The following NR1H4 variants were observed in gnomAD, a reference collection of about 807,000 sequenced individuals.
The protein encoded by NR1H4 is nuclear receptor subfamily 1 group H member 4, also known as bile acid receptor.
Under a neutral mutation model 58.5 loss-of-function variants are expected in NR1H4, and 23 were observed. The observed-to-expected ratio is 0.39, with a 90% CI of 0.28 to 0.56. The LOEUF (loss-of-function observed/expected upper bound fraction) is 0.56, where lower values mean the gene tolerates loss of function less well. Among genes scored for constraint, NR1H4 ranks in the 20% least tolerant of loss-of-function variants. NR1H4 has a pLI of 0.58. For synonymous variants in NR1H4, 214 were observed against 198.0 expected (o/e 1.08, Z -0.68); for missense variants, 487 against 576.9 (o/e 0.84, Z 1.60).
intron 1 of NR1H4, among the ~76,000 whole-genome samples, chr12:100,479,072 G>A (rs1593031301): frequency 6.6e-6 from 1 of 151,576 alleles, no homozygotes; most frequent in East Asian, 1.9e-4. Context: ...TTCTCTCTTG[G>A]GTTGTTTATC....
intron 8 of NR1H4, 47 bp downstream of exon 8, chr12:100,537,094 T>C (rs1213544670): frequency 8.8e-7 from 1 of 1,138,108 alleles, no homozygotes; most frequent in Non-Finnish European, 1.3e-6. Flanking sequence ...AGTTTAAATA[T>C]GTGCCCACAG....
chr12:100,530,783 A>C (rs1016999449), intron 4 of NR1H4, among the ~76,000 whole-genome samples: 2 of 152,166 alleles, frequency 1.3e-5, no homozygotes, highest in African/African-American at 4.8e-5. Context: ...GTGTCCCCTC[A>C]TGCCCCCAAA....
chr12:100,513,806 A>G (rs1336194226), intron 4 of NR1H4, among the ~76,000 whole-genome samples: 1 of 3,526 alleles, frequency 2.8e-4, no homozygotes, highest in African/African-American at 5.3e-4. Flanking sequence ...GACAGAAAGG[A>G]AGGAAGGAAG....
At chr12:100,499,220 T>C (rs1353089565) in intron 3 of NR1H4, among the ~76,000 whole-genome samples, 1 of 152,244 alleles carries the variant, frequency 6.6e-6, no homozygotes, top group Non-Finnish European at 1.5e-5. Context: ...TGACATTTGA[T>C]TTCAGGTATT....
At chr12:100,492,858 A>T (rs185114063) in intron 2 of NR1H4, among the ~76,000 whole-genome samples, 1 of 152,314 alleles carries the variant, frequency 6.6e-6, no homozygotes, top group Non-Finnish European at 1.5e-5. Flanking sequence ...ATTAATGTTT[A>T]TAAAAACCTA....
At position 100,532,557 on chromosome 12, in the gene NR1H4, G is replaced by A. The variant is rs1197605464; in HGVS notation, c.545G>A (p.Cys182Tyr). The change falls in exon 5 of 11, where the codon TGT becomes TAT. Residue 182 changes from cysteine (C) to tyrosine (Y), a missense_variant. Transcript: ENST00000392986. ...DMYMRRKCQE[C>Y]RLRKCKEMGM... is the part of the protein sequence containing the mutation. ...TACATGCGAAGAAAGTGTCAAGAGT[G>A]TCGACTAAGGAAATGCAAAGAGATG... The A allele has an allele frequency of 3.1e-6, 5 of 1,614,162 alleles. No homozygotes were observed. Among genetic ancestry groups the A allele is most frequent in the Admixed American group, 1.7e-5 (1 of 60,028 alleles).
chr12:100,505,289 G>C (rs924135071), intron 3 of NR1H4, among the ~76,000 whole-genome samples: 1 of 152,148 alleles, frequency 6.6e-6, no homozygotes, highest in African/African-American at 2.4e-5. Context: ...TTTCCCATTT[G>C]GGGGTACAGT....
chr12:100,493,300 G>C lies in NR1H4; in HGVS notation c.-24G>C, dbSNP rs756389035. On this transcript the variant is annotated 5_prime_UTR_variant, in exon 3 of 11. Coordinates refer to ENST00000392986, the MANE Select transcript of NR1H4 (RefSeq NM_001206979.2). ...TTTTTTGAAGACCACCATAAAGAAAGTGCATTTCAATTGAAAAATTTGGAT... is the reference window on the plus strand; with the variant it reads ...TTTTTTGAAGACCACCATAAAGAAACTGCATTTCAATTGAAAAATTTGGAT... 1.7e-6 allele frequency: 2 copies of C among 1,198,920 alleles called. No individual in the cohort carries two copies. Among genetic ancestry groups the C allele is most frequent in the East Asian group, 4.7e-5 (2 of 42,260 alleles). 74.3% of individuals were successfully genotyped at this position (1,198,920 alleles called of 1,614,324 possible).
At chr12:100,479,204 C>T (rs1953329909) in intron 1 of NR1H4, among the ~76,000 whole-genome samples, 1 of 151,948 alleles carries the variant, frequency 6.6e-6, no homozygotes, top group South Asian at 2.1e-4. Context: ...GATGCCTTAA[C>T]CTCTGTCTTA....
intron 9 of NR1H4, 48 bp from the exon 10 acceptor site, chr12:100,561,837 T>C: frequency 3.7e-6 from 3 of 816,702 alleles, no homozygotes; most frequent in Non-Finnish European, 4.4e-6. Flanking sequence ...AGTTTTACAC[T>C]GTTTAGTCAC....
At chr12:100,520,680 G>A (rs1954392735) in intron 4 of NR1H4, among the ~76,000 whole-genome samples, 1 of 152,220 alleles carries the variant, frequency 6.6e-6, no homozygotes, top group Non-Finnish European at 1.5e-5. Flanking sequence ...GGAAGCCAGA[G>A]TGCTGCCACA....
intron 5 of NR1H4, 127 bp from the exon 6 acceptor site, chr12:100,534,763 G>C: frequency 9.5e-7 from 1 of 1,050,442 alleles, no homozygotes; most frequent in Non-Finnish European, 1.5e-6. Context: ...ATGCATAAAA[G>C]GCTAGCGTTA....
intron 1 of NR1H4, among the ~76,000 whole-genome samples, chr12:100,486,525 A>G (rs1481303583): frequency 6.6e-6 from 1 of 152,202 alleles, no homozygotes; most frequent in Admixed American, 6.5e-5. Context: ...TGAAAGGCAA[A>G]ATTAAATATC....
chr12:100,486,754 TAAAG>T (rs1953500240), intron 1 of NR1H4, among the ~76,000 whole-genome samples: 2 of 151,732 alleles, frequency 1.3e-5, no homozygotes, highest in South Asian at 2.1e-4. Context: ...ACTAAAGTCT[TAAAG>T]AAGCACTATG....
At chr12:100,481,004 G>A (rs1953367804) in intron 1 of NR1H4, among the ~76,000 whole-genome samples, 1 of 152,184 alleles carries the variant, frequency 6.6e-6, no homozygotes, top group South Asian at 2.1e-4. Flanking sequence ...TTCTTTCTTA[G>A]ATATGGAAAA....
intron 3 of NR1H4, chr12:100,503,604 T>A (rs151248248): frequency 1.7e-6 from 2 of 1,153,874 alleles, no homozygotes; most frequent in Non-Finnish European, 2.3e-6. Context: ...TCAAAGATAG[T>A]GGCTCAGTCA....
At position 100,513,798 on chromosome 12, in the gene NR1H4, CAGAAAGGAAGGA is replaced by C. The variant is rs1349540962; in HGVS notation, c.445+2658_445+2669del. On this transcript the variant is annotated intron_variant, in intron 4 of 10. Transcript: ENST00000392986. ...TGACAGAGCGAGACTCCGTCAAAGA[CAGAAAGGAAGGA>C]AGGAAGGAAGGAAGGAAGGAAGGAA... 6.9e-5 allele frequency among the ~76,000 whole-genome samples: 6 copies of C among 87,332 alleles called. No homozygotes were observed. The South Asian group carries it at 9.5e-4, about 14-fold the overall frequency. The allele number at this position is 87,332 out of a possible 152,430, so 57.3% of individuals were successfully genotyped here.
At chr12:100,512,633 TC>T (rs1954150770) in intron 4 of NR1H4, among the ~76,000 whole-genome samples, 1 of 145,154 alleles carries the variant, frequency 6.9e-6, no homozygotes, top group African/African-American at 2.7e-5. Context: ...TGAGCGAGAC[TC>T]CGTCTCCAAA....
chr12:100,544,051 G>A (rs1955000699), intron 9 of NR1H4, among the ~76,000 whole-genome samples: 3 of 152,068 alleles, frequency 2.0e-5, no homozygotes, highest in South Asian at 4.1e-4. Flanking sequence ...AGGAGATCGA[G>A]ACCATCCTGG....
Sources: gnomAD v4.1 joint callset for allele counts (sites outside exome capture counted in the v4.1 genomes callset) on GRCh38, gnomAD v4.1.1 for gene constraint, MANE v1.5 for transcripts, NCBI Gene and HGNC (gene_info 2026-07-23, HGNC 2026-07-21) for gene names.